Variants in SV2C observed in about 807,000 individuals in gnomAD.
SV2C encodes the protein solute carrier family 22 member B3.
Under a neutral mutation model 79.7 loss-of-function variants are expected in SV2C, and 49 were observed. The ratio of observed to expected loss-of-function variants is 0.61; its 90% CI spans 0.49 to 0.78. The LOEUF (loss-of-function observed/expected upper bound fraction) is 0.78, where lower values mean the gene tolerates loss of function less well. Ranked by LOEUF, SV2C falls within the 30% of genes least tolerant of loss-of-function variation. The pLI, the probability that SV2C is intolerant of heterozygous loss-of-function variation, is 0.00. For synonymous variants in SV2C, 334 were observed against 333.2 expected, an observed-to-expected ratio of 1.00 and a Z score of -0.03; for missense variants, 833 against 912.9, an observed-to-expected ratio of 0.91 and a Z score of 1.13.
At chr5:76,117,359 C>T (rs942578587) in intron 1 of SV2C, among the ~76,000 whole-genome samples, 11 of 152,132 alleles carry the variant, frequency 7.2e-5, no homozygotes, top group East Asian at 1.9e-4. Flanking sequence ...GTTACATAAA[C>T]GAAAGCTTGA....
the SV2C span, among the ~76,000 whole-genome samples, chr5:76,060,717 G>A: frequency 5.9e-5 from 9 of 152,104 alleles, no homozygotes; most frequent in East Asian, 1.7e-3. Flanking sequence ...GGTGTTCCCT[G>A]GAGTAGCACT....
chr5:76,304,766 A>G (rs1748128385), intron 12 of SV2C, among the ~76,000 whole-genome samples: 1 of 152,172 alleles, frequency 6.6e-6, no homozygotes, highest in Non-Finnish European at 1.5e-5. Context: ...AGCCTCTTTT[A>G]TGAGGGCCTT....
At chr5:76,173,825 A>G (rs938777753) in intron 2 of SV2C, 2 of 1,598,426 alleles carry the variant, frequency 1.3e-6, no homozygotes, top group African/African-American at 2.7e-5. Flanking sequence ...TTCATCTTCC[A>G]AGTCACACTT....
chr5:76,056,129 T>G, the SV2C span, among the ~76,000 whole-genome samples: 11 of 152,134 alleles, frequency 7.2e-5, no homozygotes, highest in Admixed American at 2.6e-4. Flanking sequence ...TAGCTATGGG[T>G]TTGTCAAAAA....
At chr5:75,922,087 A>G in the SV2C span, among the ~76,000 whole-genome samples, 3 of 152,156 alleles carry the variant, frequency 2.0e-5, no homozygotes, top group Non-Finnish European at 4.4e-5. Flanking sequence ...TAAATGATAT[A>G]TATTAAAAAT....
intron 2 of SV2C, among the ~76,000 whole-genome samples, chr5:76,158,422 C>T (rs563782194): frequency 5.4e-5 from 8 of 147,994 alleles, no homozygotes; most frequent in South Asian, 4.2e-4. Flanking sequence ...ACAAAATAGA[C>T]GTTAAAAAAA....
intron 4 of SV2C, chr5:76,242,232 G>A (rs1225582585): frequency 1.5e-5 from 15 of 1,006,372 alleles, no homozygotes; most frequent in Non-Finnish European, 2.0e-5. Flanking sequence ...GATCTTCTCT[G>A]TGGTTCGTCC....
the SV2C span, among the ~76,000 whole-genome samples, chr5:76,014,397 A>G: frequency 6.6e-6 from 1 of 152,322 alleles, no homozygotes; most frequent in East Asian, 1.9e-4. Context: ...CCTAAGGGGC[A>G]GTACCACTCC....
chr5:76,348,967 C>G (rs890706397), intron 12 of SV2C, among the ~76,000 whole-genome samples: 2 of 152,122 alleles, frequency 1.3e-5, no homozygotes, highest in African/African-American at 4.8e-5. Flanking sequence ...CCACTGCACT[C>G]CAGCCTGGGC....
At chr5:76,049,952 C>T in the SV2C span, among the ~76,000 whole-genome samples, 4 of 152,218 alleles carry the variant, frequency 2.6e-5, no homozygotes, top group Non-Finnish European at 5.9e-5. Context: ...AGGAGCCAGA[C>T]TGCCTGGGTT....
chr5:76,220,668 T>G (rs932148596), intron 4 of SV2C, among the ~76,000 whole-genome samples: 1 of 150,794 alleles, frequency 6.6e-6, no homozygotes, highest in African/African-American at 2.4e-5. Context: ...AAAGCCAAAT[T>G]AACAAAGGTA....
chr5:75,901,550 T>G, the SV2C span, among the ~76,000 whole-genome samples: 1 of 152,230 alleles, frequency 6.6e-6, no homozygotes, highest in African/African-American at 2.4e-5. Context: ...GGGACCCACT[T>G]GAGGGGGCAA....
intron 4 of SV2C, among the ~76,000 whole-genome samples, chr5:76,267,016 G>C (rs1746682209): frequency 6.6e-6 from 1 of 152,156 alleles, no homozygotes; most frequent in Admixed American, 6.5e-5. Context: ...GGTCCTTGCT[G>C]GACATCAAAG....
At chr5:76,180,175 T>C (rs1743676022) in intron 2 of SV2C, among the ~76,000 whole-genome samples, 1 of 152,208 alleles carries the variant, frequency 6.6e-6, no homozygotes, top group African/African-American at 2.4e-5. Context: ...AAAGATTTAA[T>C]ATGAACATAG....
rs1352239915 is a variant in SV2C at position 76,295,792 on chromosome 5, C to A, written c.1352C>A (p.Ser451Tyr). 3 of 1,610,018 alleles carry A rather than the reference C, an allele frequency of 1.9e-6. No individual in the cohort carries two copies. In the African/African-American group the frequency reaches 4.0e-5, roughly 22 times the overall value. Reference protein sequence around the residue: ...FTLSFGYYGLSVWFPDVIKPL... With the variant: ...FTLSFGYYGLYVWFPDVIKPL... The stretch of plus-strand genomic sequence containing the variant: ...TGTCTTTGCAGGTACTATGGATTAT[C>A]CGTTTGGTTCCCTGATGTCATTAAA... The change falls in exon 9 of 13, where the codon TCC (serine) becomes TAC (tyrosine). Residue 451 changes from serine (S) to tyrosine (Y), a missense_variant. By Grantham distance (144) the Ser-to-Tyr change is moderately radical (BLOSUM62 -2). Transcript: ENST00000502798.
intron 12 of SV2C, among the ~76,000 whole-genome samples, chr5:76,325,138 G>T (rs987082242): frequency 6.6e-6 from 1 of 152,198 alleles, no homozygotes; most frequent in African/African-American, 2.4e-5. Context: ...TACAGGCAGA[G>T]TAAGAGTCAA....
At chr5:76,024,874 C>T in the SV2C span, among the ~76,000 whole-genome samples, 1 of 152,120 alleles carries the variant, frequency 6.6e-6, no homozygotes, top group African/African-American at 2.4e-5. Flanking sequence ...TGTAAGTGGG[C>T]CCACATAGTT....
intron 12 of SV2C, among the ~76,000 whole-genome samples, chr5:76,302,657 G>T (rs1227109276): frequency 6.9e-6 from 1 of 145,490 alleles, no homozygotes; most frequent in Non-Finnish European, 1.5e-5. Context: ...AAAAAAAATT[G>T]CTCCCAATAT....
chr5:76,238,549 A>T (rs1471815938), intron 4 of SV2C, among the ~76,000 whole-genome samples: 1 of 152,172 alleles, frequency 6.6e-6, no homozygotes, highest in East Asian at 1.9e-4. Context: ...ATCTATTAAT[A>T]TTTAAGAGCG....
Sources: allele counts gnomAD v4.1 joint callset (sites outside exome capture counted in the v4.1 genomes callset), GRCh38; gene constraint gnomAD v4.1.1; transcripts MANE v1.5; gene names NCBI Gene and HGNC (gene_info 2026-07-23, HGNC 2026-07-21).